The following ZNF91 variants were observed in gnomAD, a reference collection of about 807,000 sequenced individuals.
The protein encoded by ZNF91 is zinc finger protein 91 (HPF7, HTF10).
A neutral mutation model predicts 12.6 loss-of-function variants in ZNF91; 7 were observed. The ratio of observed to expected loss-of-function variants is 0.55; its 90% CI spans 0.31 to 1.04. ZNF91 has a LOEUF of 1.04. Among genes scored for constraint, ZNF91 ranks in the 50% least tolerant of loss-of-function variants. The pLI, the probability that ZNF91 is intolerant of heterozygous loss-of-function variation, is 0.05. For missense variants in ZNF91, 1,217 were observed against 1,385.4 expected, an observed-to-expected ratio of 0.88 and a Z score of 1.93; for synonymous variants, 453 against 462.6, an observed-to-expected ratio of 0.98 and a Z score of 0.27.
intron 1 of ZNF91, among the ~76,000 whole-genome samples, chr19:23,322,440 G>A (rs1256526826): frequency 6.6e-6 from 1 of 152,134 alleles, no homozygotes; most frequent in African/African-American, 2.4e-5. Flanking sequence ...GGTGACATAT[G>A]TCTGGATCCA....
At chr19:23,322,190 TACC>T (rs1318272069) in intron 1 of ZNF91, among the ~76,000 whole-genome samples, 3 of 152,206 alleles carry the variant, frequency 2.0e-5, no homozygotes, top group Non-Finnish European at 2.9e-5. Context: ...TCCTGAGCCC[TACC>T]CACAGAAGGC....
At chr19:23,334,849 T>C (rs1438352165), downstream of ZNF91, among the ~76,000 whole-genome samples, 1 of 152,174 alleles carries the variant, frequency 6.6e-6, no homozygotes, top group Non-Finnish European at 1.5e-5. Flanking sequence ...AAGACCTTAC[T>C]AGGTAATTCA....
chr19:23,318,684 T>C (rs1425253471), intron 1 of ZNF91, among the ~76,000 whole-genome samples: 1 of 152,218 alleles, frequency 6.6e-6, no homozygotes, highest in Non-Finnish European at 1.5e-5. Flanking sequence ...CTGATTCCAG[T>C]ACCTAGGTGT....
intron 3 of ZNF91, chr19:23,342,236 A>G (rs1968140086): frequency 1.9e-6 from 1 of 528,930 alleles, no homozygotes; most frequent in African/African-American, 1.9e-5. Flanking sequence ...TCAAAGCAGG[A>G]TATCAGATCA....
chr19:23,341,601 T>C (rs562771846), intron 3 of ZNF91, among the ~76,000 whole-genome samples: 365 of 152,100 alleles, frequency 2.4e-3, no homozygotes, highest in Middle Eastern at 0.01. Flanking sequence ...AACAAATATA[T>C]ACAAATGACC....
chr19:23,378,647 CTT>C (rs1450939073), intron 1 of ZNF91, among the ~76,000 whole-genome samples: 1 of 151,980 alleles, frequency 6.6e-6, no homozygotes, highest in Admixed American at 6.6e-5. Context: ...CAAATAATAA[CTT>C]TTTTGTTTAT....
intron 3 of ZNF91, among the ~76,000 whole-genome samples, chr19:23,347,357 T>G (rs1968257457): frequency 6.6e-6 from 1 of 152,208 alleles, no homozygotes; most frequent in African/African-American, 2.4e-5. Context: ...TCCTTCAAGC[T>G]GCCAGACTCC....
rs764450390 is a variant in ZNF91, at chr19:23,388,561, G to GC, written c.30+6763_30+6764insG. On this transcript the variant is annotated intron_variant, in intron 1 of 3. Transcript: ENST00000300619. The stretch of plus-strand genomic sequence containing the variant: ...CCCTTTATAGCAACATGAAGCTGGA[G>GC]ACCATTATTCTTGGAAAACCAATGC... Among the ~76,000 whole-genome samples, 212 of 152,222 alleles carry GC rather than the reference G, an allele frequency of 1.4e-3. 1 individual carries two copies. The highest frequency in any genetic ancestry group is 3.5e-3 in the South Asian group (17 of 4,822).
intron 1 of ZNF91, chr19:23,380,418 C>CATGG (rs1265690149): frequency 1.3e-5 from 2 of 150,768 alleles, no homozygotes; most frequent in Non-Finnish European, 2.9e-5. Context: ...ATAATGGTGA[C>CATGG]ATGGAAAATA....
intron 1 of ZNF91, among the ~76,000 whole-genome samples, chr19:23,387,989 T>TA (rs1388769918): frequency 2.0e-5 from 3 of 147,400 alleles, no homozygotes; most frequent in Admixed American, 6.8e-5. Flanking sequence ...CTCATGCCTG[T>TA]AATCCCAGCA....
rs1968317797 is a variant in ZNF91, at chr19:23,349,758, C to G, written c.254-10704G>C. Among the ~76,000 whole-genome samples, 12 of 152,248 alleles carry G rather than the reference C, an allele frequency of 7.9e-5. No homozygotes were observed. The South Asian group carries it at 2.5e-3, about 32-fold the overall frequency. ...CATCGCACTAGGGTCAAGCTCACCC[C>G]CAAGGCTACTCCTTCCTCCAAAACA... On this transcript the variant is annotated intron_variant, in intron 3 of 3. Coordinates refer to the ZNF91 transcript ENST00000599743.
Position 23,361,112 on chromosome 19 carries a change from T to G in ZNF91, c.1867A>C (p.Ile623Leu). 1.9e-6 allele frequency: 3 copies of G among 1,613,980 alleles called. No individual in the cohort carries two copies. Among genetic ancestry groups the G allele is most frequent in the Non-Finnish European group, 2.5e-6 (3 of 1,179,930 alleles). Residue 623 changes from isoleucine (I) to leucine (L), a missense_variant, in exon 4 of 4, where the codon ATA becomes CTA. Ile to Leu is a conservative substitution (Grantham distance 5). This residue lies in a region of ZNF91 where 726 missense variants were observed against 895.5 expected (regional missense o/e 0.81). Coordinates refer to ENST00000300619, the MANE Select transcript of ZNF91 (RefSeq NM_003430.4). ...WSSTLRRHKRIHTGEKPYKCE... is the reference protein window; with the variant it reads ...WSSTLRRHKRLHTGEKPYKCE... ...TTGTAGGGTTTCTCTCCAGTGTGTA[T>G]CCTCTTATGTCTTCTTAGGGTTGAG...
At chr19:23,327,811 T>C (rs972143465) in intron 1 of ZNF91, 12 of 152,222 alleles carry the variant, frequency 7.9e-5, no homozygotes, top group Non-Finnish European at 1.0e-4. Flanking sequence ...GTTAAATCTA[T>C]ATGTATTTGG....
intron 1 of ZNF91, 148 bp from the exon 2 acceptor site, chr19:23,374,912 C>T (rs949521687): frequency 5.0e-5 from 67 of 1,336,334 alleles, no homozygotes; most frequent in Admixed American, 1.2e-4. Context: ...TGTCAACACA[C>T]AAACGTTTTG....
intron 1 of ZNF91, among the ~76,000 whole-genome samples, chr19:23,321,138 T>C (rs1967685772): frequency 6.6e-6 from 1 of 152,170 alleles, no homozygotes; most frequent in Non-Finnish European, 1.5e-5. Context: ...TGTGGATTTT[T>C]TGAAGGTGTG....
At chr19:23,314,889 G>A (rs778661326), upstream of ZNF91, among the ~76,000 whole-genome samples, 4 of 152,100 alleles carry the variant, frequency 2.6e-5, no homozygotes, top group Admixed American at 1.3e-4. Context: ...CATATATTCT[G>A]TATTGCAAAA....
At chr19:23,366,146 G>A (rs984806311) in intron 3 of ZNF91, among the ~76,000 whole-genome samples, 8 of 152,094 alleles carry the variant, frequency 5.3e-5, no homozygotes, top group African/African-American at 9.7e-5. Flanking sequence ...AGGGGCGGCC[G>A]GGCAGAGGCG....
intron 1 of ZNF91, chr19:23,385,131 C>G: frequency 1.3e-6 from 1 of 743,810 alleles, no homozygotes; most frequent in Non-Finnish European, 2.4e-6. Context: ...AATGGCCAGC[C>G]GAAGACATGT....
Position 23,360,415 on chromosome 19 carries a change from T to C in ZNF91, c.2564A>G (p.Lys855Arg). 6.2e-7 allele frequency: 1 copy of C among 1,614,130 alleles called. No individual in the cohort carries two copies. Among genetic ancestry groups the C allele is most frequent in the Non-Finnish European group, 8.5e-7 (1 of 1,180,012 alleles). Reference protein sequence around the residue: ...KIIHAGEKLYKCEECGKAFNQ... With the variant: ...KIIHAGEKLYRCEECGKAFNQ... ...AAAAGCTTTGCCACATTCCTCACAT[T>C]TGTAGAGTTTCTCTCCAGCATGTAT... Residue 855 changes from lysine (K) to arginine (R), a missense_variant, in exon 4 of 4, where the codon AAA (lysine) becomes AGA (arginine). Around this residue, in one of 2 missense-constraint regions of ZNF91, gnomAD observed 491 missense variants for 489.8 expected, o/e 1.00. Coordinates refer to ENST00000300619, the MANE Select transcript of ZNF91 (RefSeq NM_003430.4).
Sources: allele counts gnomAD v4.1 joint callset (sites outside exome capture counted in the v4.1 genomes callset), GRCh38; gene constraint gnomAD v4.1.1; regional missense constraint gnomAD v4.1.1; transcripts MANE v1.5; gene names NCBI Gene and HGNC (gene_info 2026-07-23, HGNC 2026-07-21).